Variants in KAZN observed in about 807,000 individuals in gnomAD.
KAZN encodes the protein kazrin, periplakin interacting protein.
KAZN carries 40 observed loss-of-function variants against 87.4 expected under a neutral mutation model. The ratio of observed to expected loss-of-function variants is 0.46; its 90% CI spans 0.36 to 0.60. KAZN has a LOEUF of 0.60. Ranked by LOEUF, KAZN falls within the 20% of genes least tolerant of loss-of-function variation. The pLI, the probability that KAZN is intolerant of heterozygous loss-of-function variation, is 0.00. For synonymous variants in KAZN, 466 were observed against 458.3 expected (o/e 1.02, Z -0.22); for missense variants, 898 against 1,073.9 (o/e 0.84, Z 2.29).
chr1:14,383,695 A>G (rs183454607), intron 2 of KAZN, among the ~76,000 whole-genome samples: 140 of 151,790 alleles, frequency 9.2e-4, no homozygotes, highest in African/African-American at 3.0e-3. Flanking sequence ...TGGTACCAGT[A>G]CCATGCTGTT....
rs1662233645 is a variant in KAZN, at chr1:14,949,542, A to C, written c.227-11142A>C. Among the ~76,000 whole-genome samples, 1 of 152,046 alleles carries C rather than the reference A, an allele frequency of 6.6e-6. No homozygotes were observed. The highest frequency in any genetic ancestry group is 2.4e-5 in the African/African-American group (1 of 41,384). Reference sequence around the variant, plus strand: ...GTGCCTGCCTCTCCCACCCCCACCCAGATGGTGTTTTTCGAGATTCACATT... The same window carrying C: ...GTGCCTGCCTCTCCCACCCCCACCCCGATGGTGTTTTTCGAGATTCACATT... On this transcript the variant is annotated intron_variant, in intron 1 of 14. Coordinates refer to ENST00000376030, the MANE Select transcript of KAZN (RefSeq NM_201628.3). The surrounding 1 kb of genome is among the most constrained non-coding windows in gnomAD (Gnocchi z 4.3).
chr1:15,002,246 A>G (rs892160536), intron 2 of KAZN, among the ~76,000 whole-genome samples: 3 of 152,186 alleles, frequency 2.0e-5, no homozygotes, highest in African/African-American at 7.2e-5. Context: ...GCCCCAGCCA[A>G]AATTCACTGA....
intron 13 of KAZN, among the ~76,000 whole-genome samples, chr1:15,108,205 T>C (rs1641362198): frequency 6.6e-6 from 1 of 152,060 alleles, no homozygotes; most frequent in Admixed American, 6.5e-5. Context: ...ATGGAAAACA[T>C]TTATTCTCTG....
rs557791072 is a variant in KAZN at position 14,137,996 on chromosome 1, A to T, written c.92-42439A>T. ...CTTTTAAAGCTTTGATTTCCCATGTATGAAATGGGGATAATAGTACGGGCT... is the reference window on the plus strand; with the variant it reads ...CTTTTAAAGCTTTGATTTCCCATGTTTGAAATGGGGATAATAGTACGGGCT... On this transcript the variant is annotated intron_variant, in intron 1 of 16. Coordinates refer to the KAZN transcript ENST00000636203. Among the ~76,000 whole-genome samples the T allele has an allele frequency of 2.0e-5, 3 of 152,276 alleles. No individual in the cohort carries two copies. The South Asian group carries it at 6.2e-4, about 32-fold the overall frequency.
intron 11 of KAZN, 61 bp downstream of exon 11, chr1:15,101,835 C>CTACT: frequency 8.9e-7 from 1 of 1,128,440 alleles, no homozygotes; most frequent in Non-Finnish European, 1.3e-6. Flanking sequence ...CTCTTGGCAT[C>CTACT]TACTGTCTGT....
intron 1 of KAZN, among the ~76,000 whole-genome samples, chr1:14,125,615 G>A (rs1644847446): frequency 6.6e-6 from 1 of 152,144 alleles, no homozygotes. Flanking sequence ...TGGTTCCCTG[G>A]AGACTTTTGG....
chr1:14,496,169 T>C (rs1669930927), intron 2 of KAZN, among the ~76,000 whole-genome samples: 1 of 152,236 alleles, frequency 6.6e-6, no homozygotes, highest in East Asian at 1.9e-4. Context: ...TTAAAGGGGC[T>C]GCTGGTTTTC....
chr1:14,739,802 G>T (rs768274232), intron 1 of KAZN, among the ~76,000 whole-genome samples: 1 of 151,492 alleles, frequency 6.6e-6, no homozygotes, highest in Non-Finnish European at 1.5e-5. Context: ...AAAAAATGTT[G>T]ATCTGTCTGC....
intron 2 of KAZN, among the ~76,000 whole-genome samples, chr1:14,352,780 T>A (rs1410754): frequency 0.12 from 18,238 of 152,150 alleles, 1,252 homozygotes; most frequent in East Asian, 0.26. Flanking sequence ...CATTACAAGA[T>A]AAGAAAATTA....
intron 1 of KAZN, among the ~76,000 whole-genome samples, chr1:14,796,327 C>T (rs1645826653): frequency 6.6e-6 from 1 of 152,200 alleles, no homozygotes; most frequent in African/African-American, 2.4e-5. Flanking sequence ...CTCCGTTCTC[C>T]AAACTCAAGG....
At chr1:14,420,766 C>G (rs1056713774) in intron 2 of KAZN, among the ~76,000 whole-genome samples, 1 of 152,136 alleles carries the variant, frequency 6.6e-6, no homozygotes, top group Non-Finnish European at 1.5e-5. Flanking sequence ...CCTCACTGCC[C>G]GGGGCCGGCG....
chr1:14,204,270 C>A (rs990459571), intron 2 of KAZN, among the ~76,000 whole-genome samples: 2 of 152,178 alleles, frequency 1.3e-5, no homozygotes, highest in Non-Finnish European at 2.9e-5. Context: ...ATTATTCTTT[C>A]TCCTCACAAA....
Position 14,251,643 on chromosome 1 carries a change from C to CTTTTTTTTTT in KAZN, c.249+71067_249+71076dup, listed in dbSNP as rs549092023. On this transcript the variant is annotated intron_variant, in intron 2 of 16. Coordinates refer to the KAZN transcript ENST00000636203. Reference sequence around the variant, plus strand: ...AGGCACAGTGAAAAGTTCTCCCGGACTTTTTTTTTTTTTTTTTTTTTTTTT... The same window carrying CTTTTTTTTTT: ...AGGCACAGTGAAAAGTTCTCCCGGACTTTTTTTTTTTTTTTTTTTTTTTTTTTTTTTTTTT... Among the ~76,000 whole-genome samples, 106 of 90,338 alleles carry CTTTTTTTTTT rather than the reference C, an allele frequency of 1.2e-3. 10 individuals carry two copies. The highest frequency in any genetic ancestry group is 2.6e-3 in the South Asian group (6 of 2,328). 59.3% of individuals were successfully genotyped at this position (90,338 alleles called of 152,430 possible). A position where few individuals can be genotyped will look rare whatever the true frequency, so the allele number is the denominator to read the frequency against.
At chr1:14,103,946 G>A (rs1394163561) in intron 1 of KAZN, among the ~76,000 whole-genome samples, 4 of 152,108 alleles carry the variant, frequency 2.6e-5, no homozygotes, top group Admixed American at 2.6e-4. Flanking sequence ...CCAAATGTAG[G>A]CAACATCTCT....
intron 2 of KAZN, among the ~76,000 whole-genome samples, chr1:14,230,049 G>A (rs934304497): frequency 2.0e-5 from 3 of 152,212 alleles, no homozygotes; most frequent in African/African-American, 4.8e-5. Context: ...AGCCACTAAC[G>A]TCATGTGGGT....
chr1:14,536,424 G>C (rs1016883769), intron 2 of KAZN, among the ~76,000 whole-genome samples: 2 of 152,206 alleles, frequency 1.3e-5, no homozygotes, highest in Admixed American at 1.3e-4. Context: ...TCTTTGAGAA[G>C]AGACTAATAG....
At chr1:14,584,442 G>C (rs1471226468) in intron 2 of KAZN, among the ~76,000 whole-genome samples, 1 of 152,208 alleles carries the variant, frequency 6.6e-6, no homozygotes, top group East Asian at 1.9e-4. Context: ...AGAAGGCATT[G>C]CTGGAGCTGC....
chr1:14,431,758 G>A (rs1216622338), intron 2 of KAZN, among the ~76,000 whole-genome samples: 1 of 152,130 alleles, frequency 6.6e-6, no homozygotes, highest in African/African-American at 2.4e-5. Flanking sequence ...TCAGCCTTTG[G>A]ACTCTGGGAC....
chr1:14,833,634 C>T (rs1647119198), intron 1 of KAZN, among the ~76,000 whole-genome samples: 2 of 152,084 alleles, frequency 1.3e-5, no homozygotes, highest in African/African-American at 4.8e-5. Flanking sequence ...TGTGAGGCAG[C>T]CCCTTTTTCC....
Sources: allele counts gnomAD v4.1 joint callset (sites outside exome capture counted in the v4.1 genomes callset), GRCh38; gene constraint gnomAD v4.1.1; non-coding constraint Gnocchi (gnomAD v3.1); transcripts MANE v1.5; gene names NCBI Gene and HGNC (gene_info 2026-07-23, HGNC 2026-07-21).